NALF1: variants seen among roughly 807,000 people sequenced by gnomAD.
The protein encoded by NALF1 is NALCN channel auxiliary factor 1, also known as family with sequence similarity 155 member A.
NALF1 carries 3 observed loss-of-function variants against 48.4 expected under a neutral mutation model. The observed-to-expected ratio is 0.06, with a 90% CI of 0.03 to 0.16. The LOEUF (loss-of-function observed/expected upper bound fraction) is 0.16, where lower values mean the gene tolerates loss of function less well. NALF1 is among the 10% of genes least tolerant of loss of function. The probability of loss-of-function intolerance (pLI) is 1.00; values close to 1 mark genes in which losing one functional copy is unlikely to be tolerated. For missense variants in NALF1, 526 were observed against 571.5 expected (o/e 0.92, Z 0.81); for synonymous variants, 262 against 245.7 (o/e 1.07, Z -0.62).
chr13:107,532,056 A>G (rs2008828), intron 1 of NALF1, among the ~76,000 whole-genome samples: 114,150 of 151,960 alleles, frequency 0.75, 45,105 homozygotes, highest in South Asian at 0.91. Context: ...AGCATTTAAT[A>G]GAAAATGCTT....
intron 1 of NALF1, among the ~76,000 whole-genome samples, chr13:107,359,951 C>G (rs979028170): frequency 6.6e-6 from 1 of 152,106 alleles, no homozygotes; most frequent in Non-Finnish European, 1.5e-5. Flanking sequence ...AACCTGTAAT[C>G]ATTTTTACTA....
chr13:107,349,739 CAAA>C (rs35813555), intron 1 of NALF1, among the ~76,000 whole-genome samples: 1 of 99,200 alleles, frequency 1.0e-5, no homozygotes, highest in Non-Finnish European at 2.2e-5. Context: ...GAATACGTCT[CAAA>C]AAAAAAAAAA....
chr13:107,660,795 G>A (rs192925052), intron 1 of NALF1, among the ~76,000 whole-genome samples: 229 of 152,094 alleles, frequency 1.5e-3, no homozygotes, highest in African/African-American at 5.3e-3. Context: ...ATGATGTGTT[G>A]ATGTAGGTTC....
At chr13:107,763,602 T>C (rs1206934665) in intron 1 of NALF1, among the ~76,000 whole-genome samples, 3 of 152,086 alleles carry the variant, frequency 2.0e-5, no homozygotes, top group Admixed American at 1.3e-4. Context: ...GCTTGTCTTA[T>C]ACAAACAACA....
At chr13:107,744,146 G>T (rs548242277) in intron 1 of NALF1, among the ~76,000 whole-genome samples, 1 of 152,312 alleles carries the variant, frequency 6.6e-6, no homozygotes, top group South Asian at 2.1e-4. Context: ...AGAAAGTACA[G>T]CAGACAGAGA....
In NALF1 at chr13:107,167,863, G is replaced by A. The variant is rs941692466; in HGVS notation, c.*2634C>T. Reference sequence around the variant, plus strand: ...ATCTCCAAACAAACGCTAAAACACGGGTAAGTGGAACCTTCTGATCCTCTT... The same window carrying A: ...ATCTCCAAACAAACGCTAAAACACGAGTAAGTGGAACCTTCTGATCCTCTT... On this transcript the variant is annotated 3_prime_UTR_variant, in exon 3 of 3. Coordinates refer to ENST00000375915, the MANE Select transcript of NALF1 (RefSeq NM_001080396.3). 1 of 152,046 alleles carries A rather than the reference G, an allele frequency of 6.6e-6. No homozygotes were observed. The highest frequency in any genetic ancestry group is 2.4e-5 in the African/African-American group (1 of 41,380). The allele number at this position is 152,046 out of a possible 1,614,324, so 9.4% of individuals were successfully genotyped here. A position where few individuals can be genotyped will look rare whatever the true frequency, so the allele number is the denominator to read the frequency against.
In NALF1 at chr13:107,672,421, G is replaced by A. The variant is rs111295026; in HGVS notation, c.915+193261C>T. The stretch of plus-strand genomic sequence containing the variant: ...TAGCATAGGGTAGCACATAGGGGAG[G>A]TGCTCCCTGTAGACACGGTGGTGAA... On this transcript the variant is annotated intron_variant, in intron 1 of 2. Coordinates refer to ENST00000375915, the MANE Select transcript of NALF1 (RefSeq NM_001080396.3). Among the ~76,000 whole-genome samples the A allele has an allele frequency of 3.2e-3, 485 of 152,214 alleles. 2 individuals are homozygous for A. The highest frequency in any genetic ancestry group is 0.011 in the African/African-American group (463 of 41,530).
At chr13:107,783,302 G>A in intron 1 of NALF1, among the ~76,000 whole-genome samples, 1 of 115,058 alleles carries the variant, frequency 8.7e-6, no homozygotes. Context: ...CCTCTGCCCG[G>A]CCACCCCTAC....
chr13:107,539,455 CA>C (rs1397868708), intron 1 of NALF1, among the ~76,000 whole-genome samples: 3 of 149,868 alleles, frequency 2.0e-5, no homozygotes, highest in Non-Finnish European at 4.4e-5. Context: ...AACACTGCTG[CA>C]TTTGAGATTA....
intron 1 of NALF1, among the ~76,000 whole-genome samples, chr13:107,408,812 G>C: frequency 6.6e-6 from 1 of 152,008 alleles, no homozygotes; most frequent in East Asian, 1.9e-4. Context: ...GTTATGGAGA[G>C]GTTTTGCTTA....
intron 1 of NALF1, among the ~76,000 whole-genome samples, chr13:107,280,934 G>C (rs1198667399): frequency 1.3e-5 from 2 of 152,146 alleles, no homozygotes; most frequent in African/African-American, 4.8e-5. Flanking sequence ...TTGTATTACA[G>C]TTTGGCATAA....
intron 1 of NALF1, among the ~76,000 whole-genome samples, chr13:107,590,068 A>G (rs1878563296): frequency 6.6e-6 from 1 of 152,066 alleles, no homozygotes; most frequent in Non-Finnish European, 1.5e-5. Flanking sequence ...GACTGTAATT[A>G]TAATAGTCAT....
intron 1 of NALF1, among the ~76,000 whole-genome samples, chr13:107,285,153 G>A (rs1881468834): frequency 6.6e-6 from 1 of 152,142 alleles, no homozygotes; most frequent in Non-Finnish European, 1.5e-5. Flanking sequence ...TATTTATCAT[G>A]CAATGCAAGT....
At chr13:107,322,120 T>C (rs1882267203) in intron 1 of NALF1, among the ~76,000 whole-genome samples, 1 of 152,186 alleles carries the variant, frequency 6.6e-6, no homozygotes, top group South Asian at 2.1e-4. Context: ...ATAACAGTTA[T>C]TTCCATTGGC....
chr13:107,174,157 A>G (rs909229522), intron 2 of NALF1, among the ~76,000 whole-genome samples: 1 of 147,848 alleles, frequency 6.8e-6, no homozygotes, highest in African/African-American at 2.5e-5. Flanking sequence ...AATTCCCTCC[A>G]TTTTCTCTGT....
At chr13:107,729,394 T>C (rs1200482585) in intron 1 of NALF1, among the ~76,000 whole-genome samples, 1 of 152,146 alleles carries the variant, frequency 6.6e-6, no homozygotes, top group Non-Finnish European at 1.5e-5. Context: ...CTGTTCTTTG[T>C]TGTGACACTG....
At chr13:107,511,584 G>A (rs1437630893) in intron 1 of NALF1, among the ~76,000 whole-genome samples, 1 of 152,090 alleles carries the variant, frequency 6.6e-6, no homozygotes, top group African/African-American at 2.4e-5. Flanking sequence ...GAATTAACAT[G>A]CTTTCTCATA....
At position 107,182,226 on chromosome 13, in the gene NALF1, C is replaced by CTGTGTGTGTGTGTGTG. The variant is rs148923366; in HGVS notation, c.1088-11456_1088-11441dup. On this transcript the variant is annotated intron_variant, in intron 2 of 2. Transcript: ENST00000375915. ...GAGCATATTTATTTATTTATTTATG[C>CTGTGTGTGTGTGTGTG]TGTGTGTGTGTGTGTGTGTGTGTGT... 1.9e-3 allele frequency among the ~76,000 whole-genome samples: 276 copies of CTGTGTGTGTGTGTGTG among 145,212 alleles called. 1 individual carries two copies. Among genetic ancestry groups the CTGTGTGTGTGTGTGTG allele is most frequent in the African/African-American group, 6.6e-3 (253 of 38,402 alleles).
intron 1 of NALF1, among the ~76,000 whole-genome samples, chr13:107,229,088 G>A (rs1043816735): frequency 2.6e-5 from 4 of 152,074 alleles, no homozygotes; most frequent in African/African-American, 9.7e-5. Flanking sequence ...TACTAATATT[G>A]TTGTGCTTAT....
Sources: allele counts gnomAD v4.1 joint callset (sites outside exome capture counted in the v4.1 genomes callset), GRCh38; gene constraint gnomAD v4.1.1; transcripts MANE v1.5; gene names NCBI Gene and HGNC (gene_info 2026-07-23, HGNC 2026-07-21).